LAMB1: variants seen among roughly 807,000 people sequenced by gnomAD.
LAMB1 encodes the protein laminin subunit beta 1.
A neutral mutation model predicts 222.3 loss-of-function variants in LAMB1; 121 were observed. The ratio of observed to expected loss-of-function variants is 0.54; its 90% CI spans 0.47 to 0.63. LAMB1 has a LOEUF of 0.63. Ranked by LOEUF, LAMB1 falls within the 30% of genes least tolerant of loss-of-function variation. The probability of loss-of-function intolerance (pLI) is 0.00; values close to 1 mark genes in which losing one functional copy is unlikely to be tolerated. For missense variants in LAMB1, 2,172 were observed against 2,240.8 expected, an observed-to-expected ratio of 0.97 and a Z score of 0.62; for synonymous variants, 794 against 807.2, an observed-to-expected ratio of 0.98 and a Z score of 0.28.
chr7:107,950,283 A>G (rs1222526327), intron 24 of LAMB1, among the ~76,000 whole-genome samples: 1 of 152,232 alleles, frequency 6.6e-6, no homozygotes, highest in South Asian at 2.1e-4. Context: ...CAGATGTGCA[A>G]CAAATATACG....
intron 4 of LAMB1, 70 bp downstream of exon 4, chr7:107,998,287 A>G: frequency 6.7e-7 from 1 of 1,495,488 alleles, no homozygotes; most frequent in South Asian, 1.2e-5. Flanking sequence ...ACAAACACCC[A>G]GGAACCTGTA....
At chr7:107,946,126 A>G (rs1415707752) in intron 24 of LAMB1, among the ~76,000 whole-genome samples, 1 of 152,160 alleles carries the variant, frequency 6.6e-6, no homozygotes, top group Non-Finnish European at 1.5e-5. Flanking sequence ...GATTCAGGTA[A>G]TGGGGTTTTC....
chr7:107,981,618 A>T (rs2033975874), intron 7 of LAMB1, among the ~76,000 whole-genome samples: 1 of 152,158 alleles, frequency 6.6e-6, no homozygotes, highest in African/African-American at 2.4e-5. Flanking sequence ...TGGAGAAATT[A>T]TAAGAACGCA....
chr7:107,926,066 G>T, intron 32 of LAMB1, 117 bp downstream of exon 32: 1 of 740,150 alleles, frequency 1.4e-6, no homozygotes, highest in South Asian at 2.0e-5. Context: ...CAGGTCATTT[G>T]ATATTTCTGA....
chr7:107,937,013 T>TC (rs2032863496), intron 26 of LAMB1, 80 bp downstream of exon 26: 8 of 1,098,624 alleles, frequency 7.3e-6, no homozygotes, highest in Non-Finnish European at 1.0e-5. Flanking sequence ...CTTTTTTTTT[T>TC]CCCCAAAAGT....
chr7:108,003,110 C>T lies in LAMB1; in HGVS notation c.-87+1G>A. 1.1e-6 allele frequency: 1 copy of T among 941,056 alleles called. No homozygotes were observed. The highest frequency in any genetic ancestry group is 2.0e-5 in the South Asian group (1 of 50,246). 58.3% of individuals were successfully genotyped at this position (941,056 alleles called of 1,614,324 possible). ...TCGTGCAGCCACTTTGTTCTCCTCA[C>T]CCGGCGACGCGAGCTCTCGCCCTGC... On this transcript the variant is annotated splice_donor_variant, in intron 1 of 33. Coordinates refer to ENST00000222399, the MANE Select transcript of LAMB1 (RefSeq NM_002291.3). LOFTEE classifies it low-confidence loss of function (5UTR_SPLICE).
intron 24 of LAMB1, among the ~76,000 whole-genome samples, chr7:107,941,904 C>T (rs1385317190): frequency 2.9e-5 from 4 of 139,294 alleles, no homozygotes; most frequent in African/African-American, 1.1e-4. Context: ...CTGGAACTCC[C>T]GACCTCAGGT....
In LAMB1 at chr7:107,986,306, C is replaced by G. The variant is rs2034075954; in HGVS notation, c.481G>C (p.Gly161Arg). The change falls in exon 6 of 34, where the codon GGT becomes CGT. Residue 161 changes from glycine (G) to arginine (R), a missense_variant. Physicochemically the swap from Gly to Arg is moderately radical, Grantham distance 125. Transcript: ENST00000222399. ...TCATAGGCGAAGTATCTATACACACCCCAGGTTTTCCCAAAGTCGGACGAT... is the reference window on the plus strand; with the variant it reads ...TCATAGGCGAAGTATCTATACACACGCCAGGTTTTCCCAAAGTCGGACGAT... Reference protein sequence around the residue: ...ERSSDFGKTWGVYRYFAYDCE... With the variant: ...ERSSDFGKTWRVYRYFAYDCE... 3.1e-6 allele frequency: 5 copies of G among 1,611,260 alleles called. No individual in the cohort carries two copies. The highest frequency in any genetic ancestry group is 4.2e-6 in the Non-Finnish European group (5 of 1,177,822).
intron 20 of LAMB1, among the ~76,000 whole-genome samples, chr7:107,956,208 T>G (rs2033372789): frequency 6.6e-6 from 1 of 151,890 alleles, no homozygotes; most frequent in African/African-American, 2.4e-5. Context: ...AATTTTTATA[T>G]TTTTAGTAGA....
intron 8 of LAMB1, among the ~76,000 whole-genome samples, chr7:107,979,168 C>G (rs549548213): frequency 6.6e-6 from 1 of 152,112 alleles, no homozygotes; most frequent in Non-Finnish European, 1.5e-5. Context: ...ATTTGTTATG[C>G]CGTAAAGGGA....
At chr7:107,927,715 A>G (rs1395087855) in intron 31 of LAMB1, among the ~76,000 whole-genome samples, 6 of 151,954 alleles carry the variant, frequency 3.9e-5, no homozygotes, top group Non-Finnish European at 7.3e-5. Context: ...AAACATCAAA[A>G]TATTTATAGT....
At chr7:107,941,449 G>A (rs895515112) in intron 24 of LAMB1, among the ~76,000 whole-genome samples, 1 of 152,134 alleles carries the variant, frequency 6.6e-6, no homozygotes, top group Non-Finnish European at 1.5e-5. Context: ...CCAAGGGCAG[G>A]GGCACATCTT....
rs78809286 is a variant in LAMB1 at position 107,999,051 on chromosome 7, G to A, written c.214-559C>T. On this transcript the variant is annotated intron_variant, in intron 3 of 33. Transcript: ENST00000222399. ...ATGGTGGTGGCATGCAGGCTAACCT[G>A]CAAATTGCTCAGAATATCTGGGGAA... Among the ~76,000 whole-genome samples the A allele has an allele frequency of 5.2e-3, 793 of 152,330 alleles. 7 individuals carry two copies. The highest frequency in any genetic ancestry group is 0.018 in the African/African-American group (746 of 41,576).
chr7:107,935,611 G>C lies in LAMB1; in HGVS notation c.3992C>G (p.Ala1331Gly), dbSNP rs201636713. The C allele has an allele frequency of 6.8e-5, 109 of 1,613,824 alleles. No homozygotes were observed. The highest frequency in any genetic ancestry group is 4.9e-4 in the Middle Eastern group (3 of 6,062). ...ITKYFQMSLE[A>G]EERVNASTTE... The stretch of plus-strand genomic sequence containing the variant: ...GGTGGAGGCATTCACCCTCTCCTCT[G>C]CCTCAAGAGACATCTGGAAATACTT... Residue 1331 changes from alanine (A) to glycine (G), a missense_variant, in exon 27 of 34, where the codon GCA (alanine) becomes GGA (glycine). Ala to Gly is a moderately conservative substitution (Grantham distance 60). Transcript: ENST00000222399.
intron 25 of LAMB1, among the ~76,000 whole-genome samples, chr7:107,939,553 T>C (rs1458507505): frequency 1.3e-5 from 2 of 152,184 alleles, no homozygotes; most frequent in African/African-American, 2.4e-5. Flanking sequence ...AATCCTTTCA[T>C]TACTTCATAA....
At chr7:107,987,686 G>C (rs2034105359) in intron 5 of LAMB1, among the ~76,000 whole-genome samples, 1 of 152,148 alleles carries the variant, frequency 6.6e-6, no homozygotes, top group South Asian at 2.1e-4. Context: ...TTTTTTAGTA[G>C]AGATGGGGTT....
intron 13 of LAMB1, among the ~76,000 whole-genome samples, chr7:107,971,884 C>T (rs1290533765): frequency 6.6e-6 from 1 of 152,178 alleles, no homozygotes; most frequent in Non-Finnish European, 1.5e-5. Context: ...TGGGGAATTG[C>T]ATATGCCACT....
chr7:107,962,387 G>C lies in LAMB1; in HGVS notation c.1857+518C>G, dbSNP rs147240333. On this transcript the variant is annotated intron_variant, in intron 15 of 33. Coordinates refer to ENST00000222399, the MANE Select transcript of LAMB1 (RefSeq NM_002291.3). Reference sequence around the variant, plus strand: ...CAGCAAGGTTGAGTGCCTCACAAAAGATCACTACGTTTGAGAAACTGGATT... The same window carrying C: ...CAGCAAGGTTGAGTGCCTCACAAAACATCACTACGTTTGAGAAACTGGATT... Among the ~76,000 whole-genome samples, 553 of 152,280 alleles carry C rather than the reference G, an allele frequency of 3.6e-3. 5 individuals carry two copies. The highest frequency in any genetic ancestry group is 0.013 in the African/African-American group (527 of 41,524).
At chr7:107,962,788 G>T in intron 15 of LAMB1, 117 bp downstream of exon 15, 1 of 668,370 alleles carries the variant, frequency 1.5e-6, no homozygotes, top group East Asian at 2.8e-5. Flanking sequence ...ATAGGAATCT[G>T]ATCTGTTCTA....
Sources: gnomAD v4.1 joint callset for allele counts (sites outside exome capture counted in the v4.1 genomes callset) on GRCh38, gnomAD v4.1.1 for gene constraint, MANE v1.5 for transcripts, NCBI Gene and HGNC (gene_info 2026-07-23, HGNC 2026-07-21) for gene names.